TNFSF4: variants seen among roughly 807,000 people sequenced by gnomAD.
TNFSF4 encodes the protein TNF superfamily member 4.
Under a neutral mutation model 7.3 loss-of-function variants are expected in TNFSF4, and 4 were observed. The ratio of observed to expected loss-of-function variants is 0.55; its 90% confidence interval spans 0.27 to 1.25. The LOEUF (loss-of-function observed/expected upper bound fraction) is 1.25, where lower values mean the gene tolerates loss of function less well. TNFSF4 is among the 50% of genes most tolerant of loss of function. TNFSF4 has a pLI of 0.12. For missense variants in TNFSF4, 181 were observed against 208.8 expected, an observed-to-expected ratio of 0.87 and a Z score of 0.82; for synonymous variants, 76 against 83.7, an observed-to-expected ratio of 0.91 and a Z score of 0.50.
the TNFSF4 span, among the ~76,000 whole-genome samples, chr1:173,316,160 CA>C: frequency 6.6e-6 from 1 of 152,054 alleles, no homozygotes; most frequent in Non-Finnish European, 1.5e-5. Flanking sequence ...ACTGCTTATT[CA>C]AAAGACTACC....
At chr1:173,421,201 G>A in the TNFSF4 span, among the ~76,000 whole-genome samples, 13 of 152,098 alleles carry the variant, frequency 8.5e-5, no homozygotes, top group South Asian at 8.3e-4. Context: ...TATGTCCCAC[G>A]CACCATTAGG....
At chr1:173,436,910 G>C in the TNFSF4 span, among the ~76,000 whole-genome samples, 4 of 152,170 alleles carry the variant, frequency 2.6e-5, no homozygotes, top group African/African-American at 9.7e-5. Flanking sequence ...AATTAACTTA[G>C]GGCTTTTGGC....
the TNFSF4 span, among the ~76,000 whole-genome samples, chr1:173,339,852 G>C: frequency 9.2e-5 from 14 of 152,128 alleles, no homozygotes; most frequent in African/African-American, 2.9e-4. Context: ...GATGTAGATA[G>C]ATGCCAAGTT....
At chr1:173,267,382 C>T in the TNFSF4 span, among the ~76,000 whole-genome samples, 22 of 152,094 alleles carry the variant, frequency 1.4e-4, no homozygotes, top group Non-Finnish European at 4.4e-5. Context: ...TGCACTTTTC[C>T]CTCAAATATA....
intron 1 of TNFSF4, 128 bp from the exon 2 acceptor site, chr1:173,188,697 T>C (rs1649342972): frequency 2.6e-6 from 2 of 770,974 alleles, no homozygotes; most frequent in East Asian, 2.6e-5. Context: ...AACAGAAGAC[T>C]TGACTTTTTT....
chr1:173,186,549 G>T lies in TNFSF4; in HGVS notation c.519C>A (p.Ile173=). ...CACAGAATTCACCAGGATTTTGATG[G>T]ATAAGAATCAGTTCTCCGCCATTCA... The part of the protein sequence containing the change: ...FHVNGGELIL[I]HQNPGEFCVL Residue 173 remains isoleucine (I), a synonymous_variant, in exon 3 of 3, where the codon ATC becomes ATA. Transcript: ENST00000281834. The T allele has an allele frequency of 6.2e-7, 1 of 1,613,850 alleles. No homozygotes were observed. The highest frequency in any genetic ancestry group is 1.3e-5 in the African/African-American group (1 of 75,030).
At chr1:173,415,812 G>A in the TNFSF4 span, among the ~76,000 whole-genome samples, 3 of 152,188 alleles carry the variant, frequency 2.0e-5, no homozygotes, top group Non-Finnish European at 4.4e-5. Context: ...CTTTCTAACT[G>A]GTATTCAGGA....
chr1:173,241,391 A>T, the TNFSF4 span, among the ~76,000 whole-genome samples: 8 of 152,226 alleles, frequency 5.3e-5, no homozygotes, highest in South Asian at 6.2e-4. Flanking sequence ...TGCATGAAGA[A>T]GACGGTGCCT....
At chr1:173,176,699 A>C in the TNFSF4 span, among the ~76,000 whole-genome samples, 1 of 152,206 alleles carries the variant, frequency 6.6e-6, no homozygotes, top group Non-Finnish European at 1.5e-5. Flanking sequence ...CACTATTCAC[A>C]ATAGCAAAGA....
At chr1:173,307,296 A>T in the TNFSF4 span, among the ~76,000 whole-genome samples, 1 of 151,934 alleles carries the variant, frequency 6.6e-6, no homozygotes, top group African/African-American at 2.4e-5. Context: ...TTGCTAATGT[A>T]CTATACTAGC....
At chr1:173,265,099 T>G in the TNFSF4 span, among the ~76,000 whole-genome samples, 1 of 152,188 alleles carries the variant, frequency 6.6e-6, no homozygotes, top group Non-Finnish European at 1.5e-5. Context: ...TACCAATATT[T>G]CAAATGGTCC....
At chr1:173,274,028 G>C in the TNFSF4 span, among the ~76,000 whole-genome samples, 2 of 151,654 alleles carry the variant, frequency 1.3e-5, no homozygotes, top group Non-Finnish European at 1.5e-5. Context: ...AAAGTTCCTA[G>C]TAGTCTCCCC....
At chr1:173,188,494 A>G (rs1172250963) in intron 2 of TNFSF4, 27 bp downstream of exon 2, 21 of 1,553,608 alleles carry the variant, frequency 1.4e-5, no homozygotes, top group Non-Finnish European at 1.9e-5. Flanking sequence ...AAAAATATGA[A>G]TCAATTAAAC....
the TNFSF4 span, among the ~76,000 whole-genome samples, chr1:173,425,923 A>T: frequency 6.6e-6 from 1 of 152,352 alleles, no homozygotes; most frequent in African/African-American, 2.4e-5. Context: ...CCTTACTGGG[A>T]CAAAAGAACT....
the TNFSF4 span, among the ~76,000 whole-genome samples, chr1:173,445,705 A>G: frequency 6.6e-6 from 1 of 152,104 alleles, no homozygotes; most frequent in African/African-American, 2.4e-5. Flanking sequence ...ACTCCAAAAG[A>G]ACCCCGGTCT....
chr1:173,202,736 C>T (rs1649999024), intron 1 of TNFSF4, among the ~76,000 whole-genome samples: 1 of 152,144 alleles, frequency 6.6e-6, no homozygotes, highest in Non-Finnish European at 1.5e-5. Flanking sequence ...CTGCTCCCCA[C>T]CTCCCCAGCT....
the TNFSF4 span, among the ~76,000 whole-genome samples, chr1:173,313,984 T>G: frequency 6.6e-6 from 1 of 152,246 alleles, no homozygotes; most frequent in East Asian, 1.9e-4. Context: ...TTTTCCCTTA[T>G]GTATAATCAT....
the TNFSF4 span, among the ~76,000 whole-genome samples, chr1:173,291,726 A>G: frequency 6.6e-6 from 1 of 152,256 alleles, no homozygotes; most frequent in African/African-American, 2.4e-5. Context: ...CTTTGAAAGA[A>G]TAAGCAAGAT....
chr1:173,409,025 A>G, the TNFSF4 span, among the ~76,000 whole-genome samples: 13 of 152,244 alleles, frequency 8.5e-5, no homozygotes. Flanking sequence ...ATCACCATTA[A>G]TAAGACAAAC....
Sources: allele counts gnomAD v4.1 joint callset (sites outside exome capture counted in the v4.1 genomes callset), GRCh38; gene constraint gnomAD v4.1.1; transcripts MANE v1.5; gene names NCBI Gene and HGNC (gene_info 2026-07-23, HGNC 2026-07-21).